NRXN3: variants seen among roughly 807,000 people sequenced by gnomAD.
NRXN3 encodes neurexin III.
NRXN3 carries 32 observed loss-of-function variants against 137.6 expected under a neutral mutation model. That is an observed-to-expected ratio of 0.23 (90% CI 0.18 to 0.31). The LOEUF (loss-of-function observed/expected upper bound fraction) is 0.31, where lower values mean the gene tolerates loss of function less well. NRXN3 is among the 10% of genes least tolerant of loss of function. The pLI, the probability that NRXN3 is intolerant of heterozygous loss-of-function variation, is 1.00. For missense variants in NRXN3, 1,574 were observed against 2,062.5 expected (o/e 0.76, Z 4.59); for synonymous variants, 798 against 784.5 (o/e 1.02, Z -0.29).
intron 15 of NRXN3, among the ~76,000 whole-genome samples, chr14:79,233,809 CAATT>C (rs1473790229): frequency 6.6e-6 from 1 of 151,792 alleles, no homozygotes; most frequent in Non-Finnish European, 1.5e-5. Flanking sequence ...TTAAGAGTAA[CAATT>C]AAGAGATCCT....
chr14:79,860,565 A>G (rs1015834103), intron 20 of NRXN3, among the ~76,000 whole-genome samples: 1 of 152,240 alleles, frequency 6.6e-6, no homozygotes, highest in Non-Finnish European at 1.5e-5. Flanking sequence ...CTTGGTCTCA[A>G]TAAGATGGTG....
chr14:78,899,986 G>A (rs558569478), intron 10 of NRXN3, among the ~76,000 whole-genome samples: 2 of 151,780 alleles, frequency 1.3e-5, no homozygotes, highest in African/African-American at 4.8e-5. Context: ...ATAGGAATCT[G>A]ACCTAGGAAC....
rs370230639 is a variant in NRXN3, at chr14:78,366,235, A to T, written c.757+68375A>T. Among the ~76,000 whole-genome samples the T allele has an allele frequency of 2.8e-3, 433 of 152,338 alleles. 2 individuals are homozygous for T. The highest frequency in any genetic ancestry group is 0.01 in the Middle Eastern group (3 of 294). On this transcript the variant is annotated intron_variant, in intron 4 of 20. Coordinates refer to ENST00000335750, the MANE Select transcript of NRXN3 (RefSeq NM_001330195.2). ...ATACCACCAATAAATAGTAACAATT[A>T]TTAAGAAAGATGATTCCATTTCCCA...
intron 4 of NRXN3, among the ~76,000 whole-genome samples, chr14:78,447,853 T>C (rs1045012690): frequency 6.6e-6 from 1 of 152,338 alleles, no homozygotes; most frequent in Admixed American, 6.5e-5. Context: ...GGCTCAGTAG[T>C]CATAATATCT....
chr14:78,963,611 A>G (rs1476421299), intron 11 of NRXN3, among the ~76,000 whole-genome samples: 1 of 152,190 alleles, frequency 6.6e-6, no homozygotes, highest in Non-Finnish European at 1.5e-5. Context: ...ACACTAAGCA[A>G]TTTTATTTCC....
chr14:79,357,779 G>A (rs2093478263), intron 15 of NRXN3, among the ~76,000 whole-genome samples: 1 of 152,116 alleles, frequency 6.6e-6, no homozygotes, highest in African/African-American at 2.4e-5. Context: ...ACCCCAATAT[G>A]TCACTATAGA....
chr14:78,896,266 T>A (rs2152724204), intron 10 of NRXN3, among the ~76,000 whole-genome samples: 1 of 152,064 alleles, frequency 6.6e-6, no homozygotes, highest in East Asian at 1.9e-4. Flanking sequence ...CATTTTAAAC[T>A]AATATGAAAT....
intron 15 of NRXN3, among the ~76,000 whole-genome samples, chr14:79,189,042 T>C (rs1475427490): frequency 1.3e-5 from 2 of 151,964 alleles, no homozygotes; most frequent in Non-Finnish European, 2.9e-5. Flanking sequence ...ACTGGGTATA[T>C]ACCCAAAGGA....
chr14:78,646,763 T>C (rs1386681764), intron 5 of NRXN3, among the ~76,000 whole-genome samples: 4 of 152,194 alleles, frequency 2.6e-5, no homozygotes, highest in Non-Finnish European at 5.9e-5. Flanking sequence ...GAATCATTGT[T>C]CTATGTTTTT....
intron 15 of NRXN3, among the ~76,000 whole-genome samples, chr14:79,097,207 G>A (rs1307383260): frequency 6.6e-6 from 1 of 152,058 alleles, no homozygotes; most frequent in Non-Finnish European, 1.5e-5. Flanking sequence ...TAGAAATGAA[G>A]CATAGCCTGA....
chr14:78,285,043 C>A (rs1260521769), intron 3 of NRXN3, among the ~76,000 whole-genome samples: 1 of 152,180 alleles, frequency 6.6e-6, no homozygotes. Flanking sequence ...GAGGTGTACG[C>A]CCTTGGGCAA....
chr14:79,193,347 A>G (rs1464264811), intron 15 of NRXN3, among the ~76,000 whole-genome samples: 1 of 152,208 alleles, frequency 6.6e-6, no homozygotes, highest in Non-Finnish European at 1.5e-5. Context: ...ATTTATTTCA[A>G]CCTTTAGTAG....
chr14:79,157,996 G>C (rs1332255158), intron 15 of NRXN3, among the ~76,000 whole-genome samples: 1 of 151,736 alleles, frequency 6.6e-6, no homozygotes, highest in East Asian at 1.9e-4. Flanking sequence ...GATTGTGATT[G>C]AGTAAAGATC....
intron 19 of NRXN3, among the ~76,000 whole-genome samples, chr14:79,750,501 C>A (rs938877561): frequency 1.3e-5 from 2 of 152,120 alleles, no homozygotes; most frequent in African/African-American, 4.8e-5. Flanking sequence ...AGCAAGTTGT[C>A]TTTATGATTC....
At chr14:79,046,820 T>C (rs2099633811) in intron 15 of NRXN3, among the ~76,000 whole-genome samples, 2 of 152,234 alleles carry the variant, frequency 1.3e-5, no homozygotes, top group Admixed American at 1.3e-4. Flanking sequence ...TAAATTTTAA[T>C]ATCATTCTAC....
At chr14:78,234,553 C>G (rs1567035733) in intron 1 of NRXN3, among the ~76,000 whole-genome samples, 3 of 152,202 alleles carry the variant, frequency 2.0e-5, no homozygotes, top group Non-Finnish European at 2.9e-5. Flanking sequence ...CCTTTAACCA[C>G]TACATTATCC....
At chr14:79,731,003 G>A (rs1244149832) in intron 19 of NRXN3, among the ~76,000 whole-genome samples, 1 of 152,076 alleles carries the variant, frequency 6.6e-6, no homozygotes, top group Non-Finnish European at 1.5e-5. Context: ...TGTTTCCTTT[G>A]GAAAAAACCT....
intron 1 of NRXN3, among the ~76,000 whole-genome samples, chr14:78,180,349 GA>G (rs941339992): frequency 6.6e-6 from 1 of 151,736 alleles, no homozygotes; most frequent in African/African-American, 2.4e-5. Flanking sequence ...GGGAAAAAAA[GA>G]AAAAAAATGA....
chr14:79,601,232 G>A (rs765026034), intron 16 of NRXN3, among the ~76,000 whole-genome samples: 32 of 151,706 alleles, frequency 2.1e-4, no homozygotes, highest in African/African-American at 7.3e-4. Context: ...TAGTAGAGAC[G>A]GGGTTTCACC....
Sources: gnomAD v4.1 joint callset for allele counts (sites outside exome capture counted in the v4.1 genomes callset) on GRCh38, gnomAD v4.1.1 for gene constraint, MANE v1.5 for transcripts, NCBI Gene and HGNC (gene_info 2026-07-23, HGNC 2026-07-21) for gene names.